SPATA16: variants seen among roughly 807,000 people sequenced by gnomAD.
SPATA16 encodes the protein spermatogenesis associated 16, also known as spermatogenesis-associated protein 16.
In SPATA16, 36 loss-of-function variants were observed where a neutral mutation model predicts 63.3. The observed-to-expected ratio is 0.57, with a 90% confidence interval of 0.44 to 0.75. SPATA16 has a LOEUF of 0.75. Ranked by LOEUF, SPATA16 falls within the 30% of genes least tolerant of loss-of-function variation. The pLI is 0.00. For missense variants in SPATA16, 646 were observed against 679.3 expected, an observed-to-expected ratio of 0.95 and a Z score of 0.54; for synonymous variants, 203 against 216.7, an observed-to-expected ratio of 0.94 and a Z score of 0.56.
At chr3:172,964,583 T>G (rs550272419) in intron 5 of SPATA16, among the ~76,000 whole-genome samples, 27 of 152,362 alleles carry the variant, frequency 1.8e-4, no homozygotes, top group African/African-American at 6.5e-4. Context: ...TGTTCAGTAG[T>G]AAATGTCAAC....
chr3:172,970,606 A>G (rs761931962), intron 5 of SPATA16, among the ~76,000 whole-genome samples: 4 of 152,198 alleles, frequency 2.6e-5, no homozygotes, highest in Non-Finnish European at 5.9e-5. Context: ...TCTAAATACT[A>G]TAGAGCCTGG....
At chr3:173,018,962 T>G (rs1215429979) in intron 4 of SPATA16, among the ~76,000 whole-genome samples, 1 of 152,158 alleles carries the variant, frequency 6.6e-6, no homozygotes, top group Non-Finnish European at 1.5e-5. Flanking sequence ...TTTGCCACAG[T>G]CTAAGTTCTG....
chr3:172,961,065 TCTTTCTTCCTTC>T (rs1237253446), intron 5 of SPATA16, among the ~76,000 whole-genome samples: 15 of 40,162 alleles, frequency 3.7e-4, no homozygotes, highest in East Asian at 2.3e-3. Flanking sequence ...CTTTCTTTCT[TCTTTCTTCCTTC>T]CTTCCTTCCT....
intron 2 of SPATA16, among the ~76,000 whole-genome samples, chr3:173,114,404 G>T (rs1737837386): frequency 6.6e-6 from 1 of 152,088 alleles, no homozygotes; most frequent in African/African-American, 2.4e-5. Flanking sequence ...AAATGAAAAT[G>T]GTGTGCTCGT....
intron 5 of SPATA16, among the ~76,000 whole-genome samples, chr3:172,960,916 CCCTT>C (rs758433386): frequency 3.4e-4 from 42 of 121,920 alleles, no homozygotes; most frequent in African/African-American, 7.2e-4. Flanking sequence ...CTCCCTCCCT[CCCTT>C]CCTTCCTTCC....
chr3:172,976,847 C>T (rs1734170986), intron 5 of SPATA16, 121 bp downstream of exon 5: 1 of 785,584 alleles, frequency 1.3e-6, no homozygotes, highest in South Asian at 1.4e-5. Context: ...TATTCAGTAC[C>T]TTCTTTCTGA....
chr3:173,068,376 GT>G (rs1736574757), intron 2 of SPATA16, among the ~76,000 whole-genome samples: 1 of 152,152 alleles, frequency 6.6e-6, no homozygotes, highest in African/African-American at 2.4e-5. Flanking sequence ...GAAGTTTGTA[GT>G]TTTCTATTTG....
At chr3:173,050,643 G>T (rs1201946292) in intron 2 of SPATA16, among the ~76,000 whole-genome samples, 1 of 151,414 alleles carries the variant, frequency 6.6e-6, no homozygotes, top group African/African-American at 2.4e-5. Flanking sequence ...CCCTTTTCTG[G>T]TAGTAATAAT....
chr3:172,944,481 C>G (rs9290458), intron 6 of SPATA16, among the ~76,000 whole-genome samples: 13,309 of 152,200 alleles, frequency 0.087, 1,942 homozygotes, highest in African/African-American at 0.3. Context: ...ATAGATTTAC[C>G]ATATGATCCA....
intron 10 of SPATA16, among the ~76,000 whole-genome samples, chr3:172,908,366 C>T (rs1315867293): frequency 6.6e-6 from 1 of 152,130 alleles, no homozygotes; most frequent in Non-Finnish European, 1.5e-5. Context: ...GCTAAACCTA[C>T]AGACATCTAT....
chr3:173,064,572 T>C (rs561280526), intron 2 of SPATA16, among the ~76,000 whole-genome samples: 17 of 152,098 alleles, frequency 1.1e-4, no homozygotes, highest in South Asian at 4.1e-4. Context: ...GGACTAAGGG[T>C]GGGCAATCTT....
chr3:173,033,721 G>C lies in SPATA16; in HGVS notation c.759-14146C>G, dbSNP rs116716334. Among the ~76,000 whole-genome samples the C allele has an allele frequency of 7.3e-3, 1,113 of 152,110 alleles. 16 individuals are homozygous for C. Among genetic ancestry groups the C allele is most frequent in the African/African-American group, 0.025 (1,042 of 41,508 alleles). On this transcript the variant is annotated intron_variant, in intron 3 of 10. Coordinates refer to ENST00000351008, the MANE Select transcript of SPATA16 (RefSeq NM_031955.6). The stretch of plus-strand genomic sequence containing the variant: ...TATTTTATTTTAGTTTAGTTTTTAG[G>C]GGGGACGGAGTCTCACTCTGACACC...
intron 2 of SPATA16, among the ~76,000 whole-genome samples, chr3:173,112,306 TCA>T (rs899538986): frequency 1.3e-5 from 2 of 152,194 alleles, no homozygotes; most frequent in Non-Finnish European, 2.9e-5. Context: ...GAGGGCAAAA[TCA>T]CAGAGCGTAG....
chr3:172,975,350 C>T (rs1251093080), intron 5 of SPATA16, among the ~76,000 whole-genome samples: 1 of 152,110 alleles, frequency 6.6e-6, no homozygotes, highest in African/African-American at 2.4e-5. Flanking sequence ...AGGATAGGTA[C>T]TCATATACAT....
chr3:173,084,711 G>A (rs976468776), intron 2 of SPATA16, among the ~76,000 whole-genome samples: 1 of 152,138 alleles, frequency 6.6e-6, no homozygotes, highest in African/African-American at 2.4e-5. Flanking sequence ...TGTAAGGAAA[G>A]GGTCCAGGTT....
At chr3:173,095,081 CT>C (rs761663405) in intron 2 of SPATA16, among the ~76,000 whole-genome samples, 16 of 152,136 alleles carry the variant, frequency 1.1e-4, no homozygotes, top group Non-Finnish European at 1.5e-4. Context: ...TTGGTTCAAG[CT>C]CTAGCTTTGC....
At chr3:172,992,913 CAA>C (rs1315078767) in intron 4 of SPATA16, among the ~76,000 whole-genome samples, 2 of 152,130 alleles carry the variant, frequency 1.3e-5, no homozygotes, top group African/African-American at 2.4e-5. Flanking sequence ...TTGAGGAAAG[CAA>C]AGTCTTTTAC....
At chr3:173,007,244 T>C (rs1734964558) in intron 4 of SPATA16, among the ~76,000 whole-genome samples, 1 of 152,118 alleles carries the variant, frequency 6.6e-6, no homozygotes, top group Non-Finnish European at 1.5e-5. Flanking sequence ...TATGCTCACA[T>C]GGGGGAATTA....
At chr3:172,994,801 G>C (rs1010128430) in intron 4 of SPATA16, among the ~76,000 whole-genome samples, 4 of 152,032 alleles carry the variant, frequency 2.6e-5, no homozygotes, top group Admixed American at 1.3e-4. Flanking sequence ...TTCATTTGTA[G>C]CATTAATTAA....
Sources: gnomAD v4.1 joint callset for allele counts (sites outside exome capture counted in the v4.1 genomes callset) on GRCh38, gnomAD v4.1.1 for gene constraint, MANE v1.5 for transcripts, NCBI Gene and HGNC (gene_info 2026-07-23, HGNC 2026-07-21) for gene names.